KLHL2: variants seen among roughly 807,000 people sequenced by gnomAD.
KLHL2 encodes the protein kelch like family member 2.
In KLHL2, 15 loss-of-function variants were observed where a neutral mutation model predicts 75.8. The observed-to-expected ratio is 0.20, with a 90% CI of 0.13 to 0.30. The LOEUF is 0.30. Ranked by LOEUF, KLHL2 falls within the 10% of genes least tolerant of loss-of-function variation. The probability of loss-of-function intolerance (pLI) is 1.00; values close to 1 mark genes in which losing one functional copy is unlikely to be tolerated. For synonymous variants in KLHL2, 214 were observed against 251.9 expected (o/e 0.85, Z 1.42); for missense variants, 381 against 741.0 (o/e 0.51, Z 5.64).
chr4:165,209,839 C>G, intron 1 of KLHL2: 1 of 407,514 alleles, frequency 2.5e-6, no homozygotes, highest in Non-Finnish European at 4.4e-6. Context: ...CAGGATTAAA[C>G]CTAATTCAAG....
intron 2 of KLHL2, among the ~76,000 whole-genome samples, chr4:165,227,572 A>G (rs940181104): frequency 6.6e-6 from 1 of 152,232 alleles, no homozygotes; most frequent in Non-Finnish European, 1.5e-5. Context: ...CACTATGCAC[A>G]TAGACATAAA....
At chr4:165,309,859 A>T (rs1294686207) in intron 9 of KLHL2, among the ~76,000 whole-genome samples, 2 of 152,220 alleles carry the variant, frequency 1.3e-5, no homozygotes, top group Admixed American at 6.5e-5. Flanking sequence ...CAAATAAATT[A>T]TAAGCGTATG....
rs1459079687 is a variant in KLHL2 at position 165,279,761 on chromosome 4, G to C, written c.545-14598G>C. On this transcript the variant is annotated intron_variant, in intron 5 of 14. Transcript: ENST00000226725. ...GAGGCCGCGCGAGTCCGCTGAACTA[G>C]CCTCACTTCTTTACTGGCTGGCTAG... 3 of 804,964 alleles carry C rather than the reference G, an allele frequency of 3.7e-6. No individual in the cohort carries two copies. In the East Asian group the frequency reaches 7.7e-5, roughly 21 times the overall value. 49.9% of individuals were successfully genotyped at this position (804,964 alleles called of 1,614,324 possible).
intron 1 of KLHL2, 110 bp from the exon 2 acceptor site, chr4:165,219,824 A>G: frequency 7.4e-7 from 1 of 1,352,796 alleles, no homozygotes; most frequent in African/African-American, 1.5e-5. Flanking sequence ...ACTTCCTCTA[A>G]ATAAGTAGGG....
At chr4:165,214,140 T>C (rs1478818161) in intron 1 of KLHL2, among the ~76,000 whole-genome samples, 2 of 152,204 alleles carry the variant, frequency 1.3e-5, no homozygotes, top group Non-Finnish European at 2.9e-5. Flanking sequence ...TACCTTTTCA[T>C]TTCAGTGCTG....
intron 1 of KLHL2, among the ~76,000 whole-genome samples, chr4:165,215,383 A>G (rs1317559159): frequency 6.6e-6 from 1 of 152,216 alleles, no homozygotes; most frequent in Admixed American, 6.5e-5. Flanking sequence ...TGTTTATGAG[A>G]GCAATGCTAG....
intron 3 of KLHL2, among the ~76,000 whole-genome samples, chr4:165,238,520 A>G (rs1282284249): frequency 6.6e-6 from 1 of 152,224 alleles, no homozygotes; most frequent in Non-Finnish European, 1.5e-5. Context: ...AGAATAGTTC[A>G]TGCAGCTGGA....
intron 5 of KLHL2, among the ~76,000 whole-genome samples, chr4:165,284,152 T>A (rs1743907492): frequency 6.6e-6 from 1 of 152,210 alleles, no homozygotes; most frequent in African/African-American, 2.4e-5. Context: ...CTGGAGACAT[T>A]TTCCCCATTG....
intron 5 of KLHL2, among the ~76,000 whole-genome samples, chr4:165,277,185 T>C (rs1302447625): frequency 6.6e-6 from 1 of 152,156 alleles, no homozygotes; most frequent in Non-Finnish European, 1.5e-5. Flanking sequence ...TATAATGTGC[T>C]CTTAATTTAT....
intron 3 of KLHL2, among the ~76,000 whole-genome samples, chr4:165,231,284 A>G (rs1738865203): frequency 6.6e-6 from 1 of 152,106 alleles, no homozygotes; most frequent in African/African-American, 2.4e-5. Flanking sequence ...ACCCATCTCT[A>G]TCAAAATATA....
chr4:165,300,402 A>T (rs965496789), intron 8 of KLHL2, among the ~76,000 whole-genome samples: 4 of 151,994 alleles, frequency 2.6e-5, no homozygotes, highest in African/African-American at 9.7e-5. Flanking sequence ...GATGATAAAA[A>T]TAGCTTGTTC....
intron 1 of KLHL2, among the ~76,000 whole-genome samples, chr4:165,208,711 C>G (rs1044230489): frequency 6.6e-6 from 1 of 151,818 alleles, no homozygotes; most frequent in Non-Finnish European, 1.5e-5. Flanking sequence ...ACTGTAAATA[C>G]CCAGGAGTTT....
intron 5 of KLHL2, among the ~76,000 whole-genome samples, chr4:165,281,473 G>A (rs1268327084): frequency 1.3e-4 from 19 of 151,956 alleles, no homozygotes; most frequent in East Asian, 1.2e-3. Flanking sequence ...CTGCCACCTC[G>A]CCTGGCTAAT....
intron 3 of KLHL2, among the ~76,000 whole-genome samples, chr4:165,229,116 C>G (rs1290302970): frequency 1.3e-5 from 2 of 152,198 alleles, no homozygotes; most frequent in Non-Finnish European, 2.9e-5. Flanking sequence ...TAGGTACACT[C>G]ACAATTTTAT....
At chr4:165,295,429 A>C (rs1744834982) in intron 6 of KLHL2, among the ~76,000 whole-genome samples, 1 of 152,248 alleles carries the variant, frequency 6.6e-6, no homozygotes, top group Non-Finnish European at 1.5e-5. Flanking sequence ...TTACTTTCAC[A>C]CTTAATAGAC....
chr4:165,247,473 T>C (rs1740356145), intron 4 of KLHL2, among the ~76,000 whole-genome samples: 1 of 152,174 alleles, frequency 6.6e-6, no homozygotes, highest in Admixed American at 6.5e-5. Context: ...ATTTTTTATG[T>C]TAATTAGAAT....
intron 11 of KLHL2, among the ~76,000 whole-genome samples, chr4:165,311,805 C>T (rs1463099473): frequency 3.9e-5 from 4 of 101,904 alleles, no homozygotes; most frequent in African/African-American, 1.4e-4. Context: ...CTCCTCCTTT[C>T]TCTCTGTGTG....
At chr4:165,307,276 C>T (rs767157664) in intron 9 of KLHL2, among the ~76,000 whole-genome samples, 1 of 152,140 alleles carries the variant, frequency 6.6e-6, no homozygotes. Context: ...CCACTGCACT[C>T]CAGCCTAGGC....
chr4:165,225,040 G>A (rs1738325082), intron 2 of KLHL2, among the ~76,000 whole-genome samples: 1 of 152,144 alleles, frequency 6.6e-6, no homozygotes, highest in Non-Finnish European at 1.5e-5. Flanking sequence ...GCCTTAGTAT[G>A]TTCAGGCATG....
Sources: gnomAD v4.1 joint callset for allele counts (sites outside exome capture counted in the v4.1 genomes callset) on GRCh38, gnomAD v4.1.1 for gene constraint, MANE v1.5 for transcripts, NCBI Gene and HGNC (gene_info 2026-07-23, HGNC 2026-07-21) for gene names.